Variants in PSMA8 observed in about 807,000 individuals in gnomAD.
The protein encoded by PSMA8 is proteasome subunit alpha-type 8.
A neutral mutation model predicts 32.4 loss-of-function variants in PSMA8; 18 were observed. That is an observed-to-expected ratio of 0.56 (90% confidence interval 0.38 to 0.82). The LOEUF is 0.82. PSMA8 is among the 40% of genes least tolerant of loss of function. The pLI is 0.00. For missense variants in PSMA8, 298 were observed against 300.7 expected (o/e 0.99, Z 0.07); for synonymous variants, 104 against 98.1 (o/e 1.06, Z -0.36).
At chr18:26,157,997 A>C in intron 3 of PSMA8, 125 bp from the exon 4 acceptor site, 1 of 663,354 alleles carries the variant, frequency 1.5e-6, no homozygotes. Flanking sequence ...GGTTAGGAAA[A>C]AGATCATTAA....
intron 1 of PSMA8, among the ~76,000 whole-genome samples, chr18:26,138,380 G>T (rs945297782): frequency 6.6e-6 from 1 of 152,138 alleles, no homozygotes; most frequent in Non-Finnish European, 1.5e-5. Context: ...TTGGGATGTG[G>T]GTCCAAGGTT....
intron 4 of PSMA8, among the ~76,000 whole-genome samples, chr18:26,167,878 C>T (rs2055192918): frequency 1.1e-5 from 1 of 87,834 alleles, no homozygotes; most frequent in East Asian, 3.8e-4. Context: ...ACAAGTGTAA[C>T]TCTTTATTAA....
At position 26,134,066 on chromosome 18, in the gene PSMA8, C is replaced by G; in HGVS notation, c.101C>G (p.Ala34Gly). ...GAAGCGGTGAAGAAAGGATCCACCG[C>G]GGTGAGGAAGCAACTATTACCGGAC... is the stretch of plus-strand genomic sequence containing the variant. ...AQEAVKKGST[A>G]VGIRGTNIVV... is the part of the protein sequence containing the mutation. Residue 34 changes from alanine (A) to glycine (G), a missense_variant and splice_region_variant, in exon 1 of 7, where the codon GCG (alanine) becomes GGG (glycine). Physicochemically the swap from Ala to Gly is moderately conservative, Grantham distance 60 (BLOSUM62 0). Coordinates refer to ENST00000415576, the MANE Select transcript of PSMA8 (RefSeq NM_001025096.2). The G allele has an allele frequency of 6.2e-7, 1 of 1,610,668 alleles. No homozygotes were observed. Among genetic ancestry groups the G allele is most frequent in the Non-Finnish European group, 8.5e-7 (1 of 1,176,916 alleles).
Position 26,143,215 on chromosome 18 carries a change from T to A in PSMA8, c.103-1344T>A, listed in dbSNP as rs1254275637. ...CGAAGGCCACTCTATATGGAGTTTG[T>A]TAGTTTTCCCCGTGTCTGCATGGGT... On this transcript the variant is annotated intron_variant, in intron 1 of 6. Coordinates refer to ENST00000415576, the MANE Select transcript of PSMA8 (RefSeq NM_001025096.2). Among the ~76,000 whole-genome samples the A allele has an allele frequency of 4.6e-5, 7 of 152,354 alleles. No homozygotes were observed. The East Asian group carries it at 1.3e-3, about 29-fold the overall frequency.
chr18:26,142,078 C>T (rs1289246373), intron 1 of PSMA8, among the ~76,000 whole-genome samples: 36 of 131,802 alleles, frequency 2.7e-4, no homozygotes, highest in African/African-American at 9.2e-4. Context: ...CTCTCTCTGT[C>T]GCCTGGGCTG....
chr18:26,142,197 G>A (rs1195649894), intron 1 of PSMA8, among the ~76,000 whole-genome samples: 20 of 151,686 alleles, frequency 1.3e-4, no homozygotes, highest in Admixed American at 8.5e-4. Flanking sequence ...CCGCCACCAC[G>A]CCCGGCTGAT....
rs534940268 is a variant in PSMA8, at chr18:26,169,372, A to G, written c.478-9458A>G. Among the ~76,000 whole-genome samples the G allele has an allele frequency of 2.2e-5, 3 of 133,840 alleles. No individual in the cohort carries two copies. The South Asian group carries it at 6.4e-4, about 29-fold the overall frequency. 87.8% of individuals were successfully genotyped at this position (133,840 alleles called of 152,430 possible). On this transcript the variant is annotated intron_variant, in intron 4 of 6. Transcript: ENST00000415576. ...ACTCCATCAGAATATCCTGCTACTT[A>G]TAACTTTAAAATATATCTTAAATCA...
At chr18:26,165,596 T>C (rs901616654) in intron 4 of PSMA8, among the ~76,000 whole-genome samples, 3 of 152,068 alleles carry the variant, frequency 2.0e-5, no homozygotes, top group Non-Finnish European at 2.9e-5. Context: ...GGCAACGCTA[T>C]AGGATTCCAT....
At chr18:26,136,162 T>G (rs1217861127) in intron 1 of PSMA8, among the ~76,000 whole-genome samples, 1 of 152,234 alleles carries the variant, frequency 6.6e-6, no homozygotes, top group Non-Finnish European at 1.5e-5. Flanking sequence ...ATGATTATCT[T>G]ATAGCATGAA....
At chr18:26,180,516 G>GC (rs2055301913) in intron 6 of PSMA8, among the ~76,000 whole-genome samples, 1 of 152,044 alleles carries the variant, frequency 6.6e-6, no homozygotes, top group Non-Finnish European at 1.5e-5. Flanking sequence ...CCCCTGCAGA[G>GC]CCCCACATAA....
intron 2 of PSMA8, among the ~76,000 whole-genome samples, chr18:26,150,150 C>T (rs566066997): frequency 2.1e-4 from 32 of 152,080 alleles, no homozygotes; most frequent in Non-Finnish European, 4.1e-4. Context: ...GTAAGTATAA[C>T]GCAAATATTC....
Position 26,192,225 on chromosome 18 carries a change from G to T in PSMA8, c.661-94G>T, listed in dbSNP as rs897334567. On this transcript the variant is annotated intron_variant, in intron 6 of 6. Coordinates refer to ENST00000415576, the MANE Select transcript of PSMA8 (RefSeq NM_001025096.2). ...CAAAATATAAAGTTGTACATAGAAA[G>T]TATAAATTTATTAAATATTGGAATT... The T allele has an allele frequency of 4.7e-6, 5 of 1,057,498 alleles. No homozygotes were observed. The African/African-American group carries it at 8.5e-5, about 18-fold the overall frequency. The allele number at this position is 1,057,498 out of a possible 1,614,324, so 65.5% of individuals were successfully genotyped here.
chr18:26,161,617 A>C (rs1272879150), intron 4 of PSMA8, among the ~76,000 whole-genome samples: 2 of 152,254 alleles, frequency 1.3e-5, no homozygotes, highest in African/African-American at 4.8e-5. Flanking sequence ...GCATGGCAGT[A>C]GTCCTAGCTA....
At chr18:26,157,434 G>A (rs1038547089) in intron 3 of PSMA8, among the ~76,000 whole-genome samples, 1 of 151,724 alleles carries the variant, frequency 6.6e-6, no homozygotes, top group African/African-American at 2.4e-5. Flanking sequence ...TGTCAGGAAT[G>A]CTTCTTTGCA....
intron 6 of PSMA8, 146 bp downstream of exon 6, chr18:26,179,276 G>GT: frequency 1.9e-6 from 1 of 532,068 alleles, no homozygotes; most frequent in South Asian, 3.7e-5. Flanking sequence ...CCGTCTACCG[G>GT]TTTTTTGTTT....
chr18:26,190,419 C>T (rs1166889738), intron 6 of PSMA8, among the ~76,000 whole-genome samples: 1 of 152,140 alleles, frequency 6.6e-6, no homozygotes, highest in East Asian at 1.9e-4. Context: ...TATATACCTA[C>T]TATGTACTCA....
At chr18:26,149,412 C>G (rs1242681556) in intron 2 of PSMA8, among the ~76,000 whole-genome samples, 10 of 152,030 alleles carry the variant, frequency 6.6e-5, no homozygotes, top group Non-Finnish European at 1.5e-4. Context: ...TCATCCCTAA[C>G]AAAATTTCAA....
chr18:26,191,737 G>A (rs1023101631), intron 6 of PSMA8, among the ~76,000 whole-genome samples: 3 of 152,134 alleles, frequency 2.0e-5, no homozygotes, highest in African/African-American at 4.8e-5. Context: ...TTACAGGCCT[G>A]AGTCACCAGG....
chr18:26,170,531 T>C (rs1251846994), intron 4 of PSMA8, among the ~76,000 whole-genome samples: 1 of 130,244 alleles, frequency 7.7e-6, no homozygotes, highest in Non-Finnish European at 1.5e-5. Flanking sequence ...GTTGGGGTCT[T>C]GGAGAAGCAC....
Sources: gnomAD v4.1 joint callset for allele counts (sites outside exome capture counted in the v4.1 genomes callset) on GRCh38, gnomAD v4.1.1 for gene constraint, MANE v1.5 for transcripts, NCBI Gene and HGNC (gene_info 2026-07-23, HGNC 2026-07-21) for gene names.